Variants in ADARB1 observed in about 807,000 individuals in gnomAD.
The protein encoded by ADARB1 is adenosine deaminase RNA specific B1, also known as double-stranded RNA-specific editase 1.
Under a neutral mutation model 52.4 loss-of-function variants are expected in ADARB1, and 10 were observed. The ratio of observed to expected loss-of-function variants is 0.19; its 90% CI spans 0.12 to 0.32. The LOEUF is 0.32. ADARB1 is among the 10% of genes least tolerant of loss of function. The pLI is 1.00. For synonymous variants in ADARB1, 349 were observed against 371.1 expected (o/e 0.94, Z 0.68); for missense variants, 643 against 922.3 (o/e 0.70, Z 3.92).
intron 2 of ADARB1, among the ~76,000 whole-genome samples, chr21:45,163,636 C>T (rs1345536634): frequency 6.6e-6 from 1 of 152,236 alleles, no homozygotes; most frequent in African/African-American, 2.4e-5. Context: ...TCCACAGCTC[C>T]ATCCACAGCA....
At chr21:45,194,726 C>T (rs1338719334) in intron 8 of ADARB1, among the ~76,000 whole-genome samples, 1 of 152,180 alleles carries the variant, frequency 6.6e-6, no homozygotes, top group Admixed American at 6.5e-5. Flanking sequence ...TAGTAATTTA[C>T]ATTCAAGATT....
intron 2 of ADARB1, among the ~76,000 whole-genome samples, chr21:45,143,364 C>T (rs2089835483): frequency 6.6e-6 from 1 of 152,224 alleles, no homozygotes. Context: ...ATAATCTTCC[C>T]ATCTCAGCAG....
chr21:45,178,251 G>C (rs1029806726), intron 4 of ADARB1, among the ~76,000 whole-genome samples: 1 of 152,240 alleles, frequency 6.6e-6, no homozygotes. Flanking sequence ...AGTGACTTCT[G>C]TGTGGAGCAT....
intron 8 of ADARB1, among the ~76,000 whole-genome samples, chr21:45,201,040 G>C (rs1381554731): frequency 6.6e-6 from 1 of 152,248 alleles, no homozygotes; most frequent in Non-Finnish European, 1.5e-5. Flanking sequence ...GACACCTGTA[G>C]GTTCCTTGGG....
chr21:45,146,448 C>T (rs890293726), intron 2 of ADARB1, among the ~76,000 whole-genome samples: 5 of 152,190 alleles, frequency 3.3e-5, no homozygotes, highest in Non-Finnish European at 5.9e-5. Flanking sequence ...TGGTTTCAGC[C>T]GGACCGGGAC....
chr21:45,103,961 A>G (rs1488508015), intron 1 of ADARB1, among the ~76,000 whole-genome samples: 2 of 152,124 alleles, frequency 1.3e-5, no homozygotes, highest in African/African-American at 4.8e-5. Flanking sequence ...CTTACACAGT[A>G]TATCCTTTGG....
intron 2 of ADARB1, among the ~76,000 whole-genome samples, chr21:45,139,931 CTCT>C (rs749568435): frequency 2.3e-5 from 2 of 87,108 alleles, no homozygotes; most frequent in African/African-American, 4.3e-5. Flanking sequence ...GACAATAAAA[CTCT>C]TTTTTTTTTT....
chr21:45,108,546 T>A (rs532979054), intron 1 of ADARB1, among the ~76,000 whole-genome samples: 1 of 152,212 alleles, frequency 6.6e-6, no homozygotes, highest in South Asian at 2.1e-4. Flanking sequence ...CAAATTCTTA[T>A]GCACCTGCAT....
chr21:45,178,352 CCT>C (rs2091786122), intron 4 of ADARB1, among the ~76,000 whole-genome samples: 1 of 152,236 alleles, frequency 6.6e-6, no homozygotes, highest in African/African-American at 2.4e-5. Context: ...GCCTCAGCCC[CCT>C]GACGCCACGT....
At chr21:45,132,147 A>G (rs2088984683) in intron 2 of ADARB1, 1 of 152,266 alleles carries the variant, frequency 6.6e-6, no homozygotes, top group African/African-American at 2.4e-5. Flanking sequence ...CTGAAATTTT[A>G]AAGTAAAAAT....
rs959975026 is a variant in ADARB1, at chr21:45,200,685, A to G, written c.1566-3870A>G. Reference sequence around the variant, plus strand: ...TCCCGTGCAGCTGCTTGAAGAACCCAGGGGCATCTCTGGCTGGTCCTGGGT... The same window carrying G: ...TCCCGTGCAGCTGCTTGAAGAACCCGGGGGCATCTCTGGCTGGTCCTGGGT... On this transcript the variant is annotated intron_variant, in intron 8 of 10. Transcript: ENST00000348831. The surrounding 1 kb of genome is among the most constrained non-coding windows in gnomAD (Gnocchi z 5.0). 2.6e-5 allele frequency among the ~76,000 whole-genome samples: 4 copies of G among 152,116 alleles called. No homozygotes were observed. The highest frequency in any genetic ancestry group is 9.7e-5 in the African/African-American group (4 of 41,422).
chr21:45,225,411 A>C lies in ADARB1; in HGVS notation c.*3214A>C. ...TTGTAATTAAAAGCAATTATTTTAA[A>C]ATGTGCAAGCCAGTATCTCACAAGG... On this transcript the variant is annotated 3_prime_UTR_variant, in exon 11 of 11. Coordinates refer to ENST00000348831, the MANE Select transcript of ADARB1 (RefSeq NM_001112.4). 7.7e-7 allele frequency: 1 copy of C among 1,295,752 alleles called. No homozygotes were observed. Among genetic ancestry groups the C allele is most frequent in the Non-Finnish European group, 9.8e-7 (1 of 1,019,734 alleles). 80.3% of individuals were successfully genotyped at this position (1,295,752 alleles called of 1,614,324 possible). A position where few individuals can be genotyped will look rare whatever the true frequency, so the allele number is the denominator to read the frequency against.
chr21:45,141,764 A>G (rs1350239132), intron 2 of ADARB1, among the ~76,000 whole-genome samples: 1 of 149,044 alleles, frequency 6.7e-6, no homozygotes, highest in African/African-American at 2.5e-5. Context: ...CCCCAGGGTC[A>G]CCTTAGCATC....
At chr21:45,109,139 G>GTGTGTGTGCGAGCGTGTGCGTATA in intron 1 of ADARB1, among the ~76,000 whole-genome samples, 1 of 151,722 alleles carries the variant, frequency 6.6e-6, no homozygotes, top group Middle Eastern at 3.2e-3. Flanking sequence ...CTGTATGCGT[G>GTGTGTGTGCGAGCGTGTGCGTATA]TGTGTGTGCG....
At chr21:45,192,376 A>G (rs777399463) in intron 8 of ADARB1, among the ~76,000 whole-genome samples, 13 of 152,180 alleles carry the variant, frequency 8.5e-5, no homozygotes, top group Non-Finnish European at 1.5e-4. Context: ...CTCTCCAACA[A>G]TGTGACCTTG....
At chr21:45,199,558 C>G (rs1408962486) in intron 8 of ADARB1, among the ~76,000 whole-genome samples, 1 of 152,172 alleles carries the variant, frequency 6.6e-6, no homozygotes, top group Non-Finnish European at 1.5e-5. Context: ...GAGAAGCAGC[C>G]CACCATACAC....
rs148288125 is a variant in ADARB1 at position 45,157,788 on chromosome 21, G to A, written c.-47-13822G>A. Among the ~76,000 whole-genome samples, 777 of 152,276 alleles carry A rather than the reference G, an allele frequency of 5.1e-3. 4 individuals carry two copies. The highest frequency in any genetic ancestry group is 8.7e-3 in the Non-Finnish European group (592 of 68,000). On this transcript the variant is annotated intron_variant, in intron 2 of 10. Coordinates refer to ENST00000348831, the MANE Select transcript of ADARB1 (RefSeq NM_001112.4). The surrounding 1 kb of genome is among the most constrained non-coding windows in gnomAD (Gnocchi z 4.1). ...ATGCTCTGTGGCACAGCTGGCCCTCGAAGTCACTCAGGGACCTAGGTTTCT... is the reference window on the plus strand; with the variant it reads ...ATGCTCTGTGGCACAGCTGGCCCTCAAAGTCACTCAGGGACCTAGGTTTCT...
intron 9 of ADARB1, among the ~76,000 whole-genome samples, chr21:45,216,731 A>T (rs1351503818): frequency 1.3e-5 from 2 of 152,032 alleles, no homozygotes; most frequent in African/African-American, 4.8e-5. Flanking sequence ...TTGTTTGATT[A>T]TACTATTTAT....
intron 1 of ADARB1, among the ~76,000 whole-genome samples, chr21:45,107,657 A>G (rs922781148): frequency 6.6e-6 from 1 of 152,222 alleles, no homozygotes; most frequent in African/African-American, 2.4e-5. Context: ...ATACATCATT[A>G]GGATTTATAG....
Sources: gnomAD v4.1 joint callset for allele counts (sites outside exome capture counted in the v4.1 genomes callset) on GRCh38, gnomAD v4.1.1 for gene constraint, Gnocchi (gnomAD v3.1) non-coding constraint, MANE v1.5 for transcripts, NCBI Gene and HGNC (gene_info 2026-07-23, HGNC 2026-07-21) for gene names.